The following SCHIP1 variants were observed in gnomAD, a reference collection of about 807,000 sequenced individuals.
The protein encoded by SCHIP1 is schwannomin interacting protein 1, also known as schwannomin-interacting protein 1.
In SCHIP1, 8 loss-of-function variants were observed where a neutral mutation model predicts 29.7. The ratio of observed to expected loss-of-function variants is 0.27; its 90% CI spans 0.16 to 0.49. The LOEUF (loss-of-function observed/expected upper bound fraction) is 0.49, where lower values mean the gene tolerates loss of function less well. Among genes scored for constraint, SCHIP1 ranks in the 20% least tolerant of loss-of-function variants. The pLI is 0.99. For missense variants in SCHIP1, 193 were observed against 294.6 expected (o/e 0.66, Z 2.52); for synonymous variants, 76 against 94.9 (o/e 0.80, Z 1.16).
chr3:159,274,556 A>T, the SCHIP1 span: 22 of 773,136 alleles, frequency 2.8e-5, no homozygotes, highest in South Asian at 5.9e-5. Flanking sequence ...AACCAGAAAT[A>T]AAAAAAATGG....
At chr3:159,281,416 A>G in the SCHIP1 span, among the ~76,000 whole-genome samples, 1 of 152,212 alleles carries the variant, frequency 6.6e-6, no homozygotes, top group Non-Finnish European at 1.5e-5. Flanking sequence ...TAAAACACAT[A>G]TGCACATATA....
chr3:159,678,699 A>T, the SCHIP1 span, among the ~76,000 whole-genome samples: 1 of 152,222 alleles, frequency 6.6e-6, no homozygotes, highest in Non-Finnish European at 1.5e-5. Flanking sequence ...CACTGCTCTA[A>T]GGAACTGCCT....
the SCHIP1 span, among the ~76,000 whole-genome samples, chr3:159,485,723 A>G: frequency 1.3e-5 from 2 of 152,224 alleles, no homozygotes; most frequent in Admixed American, 1.3e-4. Flanking sequence ...GCAGCATAAT[A>G]CCTCCATTGC....
chr3:159,465,343 G>T, the SCHIP1 span, among the ~76,000 whole-genome samples: 3 of 148,422 alleles, frequency 2.0e-5, no homozygotes, highest in Non-Finnish European at 4.5e-5. Context: ...GTGTGTGTTT[G>T]TGTGCGTGTG....
At chr3:159,526,713 T>C in the SCHIP1 span, among the ~76,000 whole-genome samples, 2 of 152,198 alleles carry the variant, frequency 1.3e-5, no homozygotes, top group African/African-American at 2.4e-5. Context: ...AATAGAGTTA[T>C]TCAACTGATG....
chr3:159,875,477 A>G (rs1399683867), intron 2 of SCHIP1, among the ~76,000 whole-genome samples: 4 of 152,234 alleles, frequency 2.6e-5, no homozygotes, highest in African/African-American at 4.8e-5. Context: ...TGGCTCTAGT[A>G]GACAGCTGAA....
At chr3:159,677,928 C>T in the SCHIP1 span, among the ~76,000 whole-genome samples, 101 of 152,242 alleles carry the variant, frequency 6.6e-4, 1 homozygote, top group African/African-American at 2.3e-3. Context: ...CTCGAAGTCA[C>T]GGCCTCAAGC....
the SCHIP1 span, among the ~76,000 whole-genome samples, chr3:159,391,809 T>G: frequency 4.6e-5 from 7 of 152,200 alleles, no homozygotes; most frequent in African/African-American, 1.7e-4. Context: ...TTTCTATACT[T>G]TACAGATGGA....
the SCHIP1 span, among the ~76,000 whole-genome samples, chr3:159,601,812 C>G: frequency 6.6e-6 from 1 of 152,198 alleles, no homozygotes; most frequent in Non-Finnish European, 1.5e-5. Flanking sequence ...CTTTGCAGCA[C>G]CTTTGGCTCT....
chr3:159,443,235 G>A, the SCHIP1 span, among the ~76,000 whole-genome samples: 1 of 152,138 alleles, frequency 6.6e-6, no homozygotes, highest in Non-Finnish European at 1.5e-5. Context: ...GTCATTACTG[G>A]GAGGAACATA....
chr3:159,293,678 C>T, the SCHIP1 span, among the ~76,000 whole-genome samples: 3 of 152,288 alleles, frequency 2.0e-5, no homozygotes, highest in East Asian at 5.8e-4. Context: ...TAAGTCTTTC[C>T]TCCATACTTC....
At chr3:159,856,909 G>T (rs1377517340) in intron 1 of SCHIP1, among the ~76,000 whole-genome samples, 1 of 152,130 alleles carries the variant, frequency 6.6e-6, no homozygotes, top group African/African-American at 2.4e-5. Context: ...CAAGCTCTCT[G>T]CCCTCCCCAC....
At chr3:159,519,785 G>C in the SCHIP1 span, among the ~76,000 whole-genome samples, 1 of 151,774 alleles carries the variant, frequency 6.6e-6, no homozygotes, top group Non-Finnish European at 1.5e-5. Context: ...AGCTGTTGGG[G>C]GTTAGGAGGA....
At chr3:159,651,522 T>C in the SCHIP1 span, among the ~76,000 whole-genome samples, 2 of 152,212 alleles carry the variant, frequency 1.3e-5, no homozygotes, top group African/African-American at 4.8e-5. Flanking sequence ...CTACCATTAT[T>C]ACTAACAATA....
the SCHIP1 span, among the ~76,000 whole-genome samples, chr3:159,524,865 C>T: frequency 2.6e-5 from 4 of 152,168 alleles, no homozygotes; most frequent in African/African-American, 9.7e-5. Flanking sequence ...CTCCTGCATG[C>T]CCCTCCTTCA....
At chr3:159,539,200 C>CT in the SCHIP1 span, among the ~76,000 whole-genome samples, 1 of 151,950 alleles carries the variant, frequency 6.6e-6, no homozygotes, top group African/African-American at 2.4e-5. Flanking sequence ...CTAAAGAGAT[C>CT]TTTTTTTGTA....
the SCHIP1 span, among the ~76,000 whole-genome samples, chr3:159,304,038 G>GGGGAAC: frequency 6.2e-3 from 668 of 107,712 alleles, 2 homozygotes; most frequent in Non-Finnish European, 9.3e-3. Context: ...GCAGGCCCCA[G>GGGGAAC]AGTGCGATGT....
the SCHIP1 span, among the ~76,000 whole-genome samples, chr3:159,650,241 A>G: frequency 6.6e-6 from 1 of 152,138 alleles, no homozygotes; most frequent in Non-Finnish European, 1.5e-5. Context: ...GGGAAAAACA[A>G]ATGCTCTATA....
chr3:159,447,052 TC>T, the SCHIP1 span, among the ~76,000 whole-genome samples: 2 of 152,132 alleles, frequency 1.3e-5, no homozygotes, highest in Admixed American at 6.5e-5. Flanking sequence ...AAACCTAGCC[TC>T]CCACATCAAC....
Sources: allele counts gnomAD v4.1 joint callset (sites outside exome capture counted in the v4.1 genomes callset), GRCh38; gene constraint gnomAD v4.1.1; transcripts MANE v1.5; gene names NCBI Gene and HGNC (gene_info 2026-07-23, HGNC 2026-07-21).